Variants in GANC observed in about 807,000 individuals in gnomAD.
GANC encodes glucosidase alpha, neutral C, also known as neutral alpha-glucosidase C.
A neutral mutation model predicts 124.2 loss-of-function variants in GANC; 117 were observed. The observed-to-expected ratio is 0.94, with a 90% CI of 0.81 to 1.10. The LOEUF (loss-of-function observed/expected upper bound fraction) is 1.10. Among genes scored for constraint, GANC ranks in the 50% least tolerant of loss-of-function variants. The pLI, the probability that GANC is intolerant of heterozygous loss-of-function variation, is 0.00. For synonymous variants in GANC, 377 were observed against 376.8 expected, an observed-to-expected ratio of 1.00 and a Z score of -0.01; for missense variants, 1,140 against 1,095.0, an observed-to-expected ratio of 1.04 and a Z score of -0.58.
chr15:42,326,388 C>G lies in GANC; in HGVS notation c.1384C>G (p.Gln462Glu), dbSNP rs754411412. ...AGATCAGGGCTTCTTTGTGAAGAATCAGGAAGGGGAAGACTTTGAAGGGGT... is the reference window on the plus strand; with the variant it reads ...AGATCAGGGCTTCTTTGTGAAGAATGAGGAAGGGGAAGACTTTGAAGGGGT... ...AKDQGFFVKN[Q>E]EGEDFEGVCW... is the part of the protein sequence containing the mutation. Residue 462 changes from glutamine to glutamate, a missense_variant, in exon 12 of 24, where the codon CAG becomes GAG. Transcript: ENST00000318010. 1 of 1,614,072 alleles carries G rather than the reference C, an allele frequency of 6.2e-7. No homozygotes were observed. Among genetic ancestry groups the G allele is most frequent in the South Asian group, 1.1e-5 (1 of 91,074 alleles).
At chr15:42,295,748 A>G (rs1363703744) in intron 5 of GANC, among the ~76,000 whole-genome samples, 1 of 152,038 alleles carries the variant, frequency 6.6e-6, no homozygotes, top group Non-Finnish European at 1.5e-5. Context: ...TAAGGAGCTT[A>G]GAAGTCACTA....
rs1217734779 is a variant in GANC, at chr15:42,352,781, T to A, written c.*642T>A. On this transcript the variant is annotated 3_prime_UTR_variant, in exon 24 of 24. Coordinates refer to ENST00000318010, the MANE Select transcript of GANC (RefSeq NM_198141.3). ...ATCCATGTCTTTTACATTGTTTTTT[T>A]AATTAAGTGCTGTTTACTAACCAAA... The A allele has an allele frequency of 3.2e-6, 3 of 931,972 alleles. No individual in the cohort carries two copies. Among genetic ancestry groups the A allele is most frequent in the Admixed American group, 6.2e-5 (1 of 16,240 alleles). The allele number at this position is 931,972 out of a possible 1,614,324, so 57.7% of individuals were successfully genotyped here.
chr15:42,329,222 T>C, intron 13 of GANC, 84 bp from the exon 14 acceptor site: 1 of 1,368,112 alleles, frequency 7.3e-7, no homozygotes, highest in East Asian at 2.3e-5. Context: ...ATAAACATAA[T>C]TTTTAAAATG....
At chr15:42,339,106 T>C (rs915168410) in intron 16 of GANC, among the ~76,000 whole-genome samples, 1 of 152,134 alleles carries the variant, frequency 6.6e-6, no homozygotes. Context: ...TATCATTCTT[T>C]TGATGCATGT....
chr15:42,314,376 A>G, intron 10 of GANC: 2 of 493,312 alleles, frequency 4.1e-6, no homozygotes, highest in South Asian at 2.2e-5. Flanking sequence ...GACAACTTCT[A>G]CCAGCACCTT....
chr15:42,279,311 G>C (rs953960910), intron 3 of GANC, among the ~76,000 whole-genome samples: 2 of 152,162 alleles, frequency 1.3e-5, no homozygotes, highest in African/African-American at 4.8e-5. Flanking sequence ...GTTACACAAT[G>C]CCCATTTGCA....
At chr15:42,351,013 A>G (rs536936348) in intron 22 of GANC, among the ~76,000 whole-genome samples, 2 of 151,990 alleles carry the variant, frequency 1.3e-5, no homozygotes, top group African/African-American at 4.8e-5. Flanking sequence ...CTGGGACTAC[A>G]GGCACCCACC....
At chr15:42,286,986 G>T (rs2051795249) in intron 3 of GANC, among the ~76,000 whole-genome samples, 1 of 152,174 alleles carries the variant, frequency 6.6e-6, no homozygotes, top group East Asian at 1.9e-4. Flanking sequence ...CCTGAGTCCT[G>T]TCATTTCTGT....
At position 42,353,496 on chromosome 15, in the gene GANC, C is replaced by T; in HGVS notation, c.*1357C>T. ...TACTTAGCATTCTCAGGGATCATAC[C>T]TTAATGTTTTCAGTATGTCTGCGTT... On this transcript the variant is annotated 3_prime_UTR_variant, in exon 24 of 24. Transcript: ENST00000318010. 1 of 940,880 alleles carries T rather than the reference C, an allele frequency of 1.1e-6. No individual in the cohort carries two copies. Among genetic ancestry groups the T allele is most frequent in the South Asian group, 5.0e-5 (1 of 20,186 alleles). The allele number at this position is 940,880 out of a possible 1,614,324, so 58.3% of individuals were successfully genotyped here. A position where few individuals can be genotyped will look rare whatever the true frequency, so the allele number is the denominator to read the frequency against.
chr15:42,313,504 A>G (rs528528997), intron 10 of GANC, among the ~76,000 whole-genome samples: 9 of 152,236 alleles, frequency 5.9e-5, no homozygotes, highest in Non-Finnish European at 1.3e-4. Flanking sequence ...TCTTATCCAG[A>G]ATACATGAAG....
intron 17 of GANC, 83 bp downstream of exon 17, chr15:42,339,995 A>G (rs2052317413): frequency 2.0e-6 from 3 of 1,467,378 alleles, no homozygotes; most frequent in Admixed American, 2.1e-5. Context: ...CAATAATTAC[A>G]GTGATTTCAA....
chr15:42,323,925 C>A (rs972885579), intron 11 of GANC, among the ~76,000 whole-genome samples: 1 of 152,060 alleles, frequency 6.6e-6, no homozygotes, highest in Non-Finnish European at 1.5e-5. Context: ...AGTGCACAGG[C>A]AAGTTTGACA....
At chr15:42,321,240 A>G (rs978322172) in intron 10 of GANC, among the ~76,000 whole-genome samples, 2 of 152,146 alleles carry the variant, frequency 1.3e-5, no homozygotes, top group African/African-American at 4.8e-5. Flanking sequence ...TTCTCATAAG[A>G]CAAGATTCAG....
chr15:42,340,005 A>G, intron 17 of GANC, 93 bp downstream of exon 17: 1 of 1,447,638 alleles, frequency 6.9e-7, no homozygotes, highest in Non-Finnish European at 9.3e-7. Context: ...AGTGATTTCA[A>G]GAGAAAGGTG....
At chr15:42,336,212 A>G (rs1404271172) in intron 15 of GANC, among the ~76,000 whole-genome samples, 1 of 152,172 alleles carries the variant, frequency 6.6e-6, no homozygotes, top group African/African-American at 2.4e-5. Flanking sequence ...GCAGGAGGCA[A>G]TATGCTACCC....
rs1404326917 is a variant in GANC at position 42,297,671 on chromosome 15, T to C, written c.558+15T>C. ...ACACCTCTCAGGTAATCTAGATTGA[T>C]CCATTTATTGTTATCTTTTTCACCA... On this transcript the variant is annotated intron_variant, in intron 6 of 23. Transcript: ENST00000318010. The C allele has an allele frequency of 4.4e-6, 7 of 1,579,340 alleles. No individual in the cohort carries two copies. Among genetic ancestry groups the C allele is most frequent in the Non-Finnish European group, 6.1e-6 (7 of 1,151,676 alleles).
At chr15:42,300,761 G>A (rs946575149) in intron 6 of GANC, among the ~76,000 whole-genome samples, 3 of 152,206 alleles carry the variant, frequency 2.0e-5, no homozygotes, top group Non-Finnish European at 4.4e-5. Context: ...GCTCATGCCT[G>A]TAATCCCAGC....
intron 6 of GANC, among the ~76,000 whole-genome samples, chr15:42,305,423 G>T (rs1015564764): frequency 5.9e-5 from 9 of 152,156 alleles, no homozygotes; most frequent in African/African-American, 2.2e-4. Flanking sequence ...AGTTAGAATG[G>T]CAGTGATTAA....
chr15:42,340,503 C>A (rs1455795204), intron 17 of GANC, among the ~76,000 whole-genome samples, 187 bp from the exon 18 acceptor site: 1 of 151,446 alleles, frequency 6.6e-6, no homozygotes, highest in East Asian at 1.9e-4. Context: ...ACTTGGGAGA[C>A]CGAGGCAGGA....
Sources: allele counts gnomAD v4.1 joint callset (sites outside exome capture counted in the v4.1 genomes callset), GRCh38; gene constraint gnomAD v4.1.1; transcripts MANE v1.5; gene names NCBI Gene and HGNC (gene_info 2026-07-23, HGNC 2026-07-21).